AFG2B: variants seen among roughly 807,000 people sequenced by gnomAD.
AFG2B encodes ATPase family gene 2 protein homolog B.
the AFG2B span, among the ~76,000 whole-genome samples, chr15:45,411,968 C>G: frequency 6.6e-6 from 1 of 151,942 alleles, no homozygotes; most frequent in African/African-American, 2.4e-5. Flanking sequence ...CGTGGTGGCG[C>G]ATGCCTGTAA....
the AFG2B span, among the ~76,000 whole-genome samples, chr15:45,419,923 A>AAG: frequency 4.1e-5 from 6 of 147,522 alleles, no homozygotes; most frequent in African/African-American, 1.5e-4. Flanking sequence ...CCTGGAGGTC[A>AAG]AGGCTGTAGT....
the AFG2B span, chr15:45,414,707 G>A: frequency 9.3e-6 from 15 of 1,614,174 alleles, no homozygotes; most frequent in Non-Finnish European, 1.2e-5. Context: ...AGCTGTCACT[G>A]CTCTTTCGTT....
the AFG2B span, chr15:45,417,764 G>A: frequency 2.4e-5 from 4 of 164,250 alleles, no homozygotes; most frequent in South Asian, 1.7e-4. Flanking sequence ...GCAGTGTATC[G>A]TGGTCAACCA....
At chr15:45,415,555 A>G in the AFG2B span, 1 of 1,582,050 alleles carries the variant, frequency 6.3e-7, no homozygotes, top group East Asian at 2.2e-5. Flanking sequence ...TGTATAACAT[A>G]TAGCTTTTTA....
chr15:45,405,053 T>C, the AFG2B span, among the ~76,000 whole-genome samples: 7 of 152,094 alleles, frequency 4.6e-5, no homozygotes, highest in East Asian at 1.3e-3. Context: ...TTTCAGATTC[T>C]CTCTAGTAGC....
the AFG2B span, among the ~76,000 whole-genome samples, chr15:45,407,744 C>T: frequency 3.3e-5 from 5 of 151,898 alleles, no homozygotes; most frequent in African/African-American, 7.3e-5. Context: ...TTTTTGAAAA[C>T]GGGAATTTGT....
At chr15:45,415,546 G>T in the AFG2B span, 23 of 1,357,498 alleles carry the variant, frequency 1.7e-5, no homozygotes, top group East Asian at 2.4e-5. Flanking sequence ...CATGACTAAT[G>T]TATAACATAT....
At chr15:45,402,782 A>G in the AFG2B span, 1 of 1,589,414 alleles carries the variant, frequency 6.3e-7, no homozygotes, top group South Asian at 1.1e-5. Flanking sequence ...GTGTTGCGAG[A>G]GCGGGCAGGC....
At chr15:45,421,292 T>C in the AFG2B span, 1 of 992,468 alleles carries the variant, frequency 1.0e-6, no homozygotes, top group Non-Finnish European at 1.4e-6. Context: ...CTTTTAGAAT[T>C]TGTGTTTATA....
At chr15:45,415,899 C>T in the AFG2B span, 6 of 923,048 alleles carry the variant, frequency 6.5e-6, no homozygotes, top group Admixed American at 1.6e-4. Flanking sequence ...GAATTCATCT[C>T]ATAGAAGGAT....
At chr15:45,411,031 G>A in the AFG2B span, among the ~76,000 whole-genome samples, 5 of 152,036 alleles carry the variant, frequency 3.3e-5, no homozygotes, top group African/African-American at 4.8e-5. Flanking sequence ...GTGAAACCCC[G>A]TCTCTACTAA....
At chr15:45,411,365 A>G in the AFG2B span, among the ~76,000 whole-genome samples, 1 of 152,180 alleles carries the variant, frequency 6.6e-6, no homozygotes, top group Non-Finnish European at 1.5e-5. Context: ...CCCAGGCTGG[A>G]GTATTGTGTC....
At chr15:45,410,003 T>C in the AFG2B span, among the ~76,000 whole-genome samples, 1 of 152,228 alleles carries the variant, frequency 6.6e-6, no homozygotes, top group African/African-American at 2.4e-5. Context: ...TATTATGGAA[T>C]TGTCAAAAAG....
chr15:45,417,450 A>T, the AFG2B span: 1 of 1,600,650 alleles, frequency 6.2e-7, no homozygotes, highest in Non-Finnish European at 8.5e-7. Flanking sequence ...TTGAATTCCA[A>T]CTTGGATATA....
the AFG2B span, among the ~76,000 whole-genome samples, chr15:45,412,719 G>C: frequency 6.6e-6 from 1 of 152,074 alleles, no homozygotes; most frequent in East Asian, 1.9e-4. Context: ...CTGGATCTCT[G>C]ATCTAAAAGA....
chr15:45,402,857 C>G, the AFG2B span: 1 of 1,598,590 alleles, frequency 6.3e-7, no homozygotes. Context: ...AGAAACCGAC[C>G]GATCTCCCTG....
At chr15:45,418,688 T>A in the AFG2B span, 1 of 1,597,142 alleles carries the variant, frequency 6.3e-7, no homozygotes, top group South Asian at 1.1e-5. Flanking sequence ...CAGAAGTAAG[T>A]TAATTATTGA....
chr15:45,410,601 A>C, the AFG2B span: 1 of 1,440,556 alleles, frequency 6.9e-7, no homozygotes, highest in Non-Finnish European at 9.4e-7. Flanking sequence ...TGATGACAAC[A>C]TACTGCGCTG....
the AFG2B span, chr15:45,414,451 G>A: frequency 1.2e-6 from 1 of 852,306 alleles, no homozygotes; most frequent in Non-Finnish European, 1.8e-6. Flanking sequence ...TGTGGAGAAT[G>A]GACTGTTTCC....
Sources: gnomAD v4.1 joint callset for allele counts (sites outside exome capture counted in the v4.1 genomes callset) on GRCh38, gnomAD v4.1.1 for gene constraint, MANE v1.5 for transcripts, NCBI Gene and HGNC (gene_info 2026-07-23, HGNC 2026-07-21) for gene names.